Variants in GLRA2 observed in about 807,000 individuals in gnomAD.
GLRA2 encodes the protein glycine receptor subunit alpha-2.
Under a neutral mutation model 31.6 loss-of-function variants are expected in GLRA2, and 11 were observed. The ratio of observed to expected loss-of-function variants is 0.35; its 90% CI spans 0.22 to 0.58. GLRA2 has a LOEUF of 0.58. GLRA2 is among the 20% of genes least tolerant of loss of function. The probability of loss-of-function intolerance (pLI) is 0.84; values close to 1 mark genes in which losing one functional copy is unlikely to be tolerated. For missense variants in GLRA2, 212 were observed against 351.8 expected (o/e 0.60, Z 3.18); for synonymous variants, 132 against 134.0 (o/e 0.99, Z 0.10).
the GLRA2 span, among the ~76,000 whole-genome samples, chrX:14,451,644 CAA>C: frequency 3.9e-3 from 156 of 40,014 alleles, 1 homozygote; most frequent in African/African-American, 9.6e-3. Flanking sequence ...ACTCTGTCTC[CAA>C]AAAAAAAAAA....
chrX:14,599,667 A>G (rs1467836843), intron 4 of GLRA2, among the ~76,000 whole-genome samples: 1 of 111,920 alleles, frequency 8.9e-6, no homozygotes, highest in Non-Finnish European at 1.9e-5. Context: ...GCATAATGAA[A>G]TATTCTAGGG....
chrX:14,478,976 A>G, the GLRA2 span, among the ~76,000 whole-genome samples: 13 of 111,815 alleles, frequency 1.2e-4, no homozygotes, highest in East Asian at 5.6e-4. Flanking sequence ...AGGTGATGTT[A>G]ACTTAGGAGT....
chrX:14,719,216 T>C (rs1353805580), intron 8 of GLRA2, among the ~76,000 whole-genome samples: 1 of 111,934 alleles, frequency 8.9e-6, no homozygotes, highest in South Asian at 3.7e-4. Context: ...TATAAAAGAC[T>C]TCAATGGGTG....
At chrX:14,715,062 C>T (rs2091765903) in intron 8 of GLRA2, among the ~76,000 whole-genome samples, 1 of 112,239 alleles carries the variant, frequency 8.9e-6, no homozygotes, top group African/African-American at 3.2e-5. Flanking sequence ...ATTGTAAACA[C>T]ATACATAAAT....
chrX:14,567,423 A>G (rs146429854), intron 2 of GLRA2, among the ~76,000 whole-genome samples: 2,707 of 112,260 alleles, frequency 0.024, 81 homozygotes, highest in African/African-American at 0.082. Flanking sequence ...AAAAACACTC[A>G]GAAAACTAGA....
At chrX:14,527,392 G>A (rs1011804165), upstream of GLRA2, among the ~76,000 whole-genome samples, 2 of 111,632 alleles carry the variant, frequency 1.8e-5, no homozygotes, top group African/African-American at 3.3e-5. Flanking sequence ...TGAGGTGGGC[G>A]AATCACAAGG....
intron 2 of GLRA2, among the ~76,000 whole-genome samples, chrX:14,543,683 A>G (rs1255037092): frequency 8.9e-6 from 1 of 112,005 alleles, no homozygotes; most frequent in Non-Finnish European, 1.9e-5. Flanking sequence ...ACTGTAGTCC[A>G]TGAAATGTTC....
intron 2 of GLRA2, among the ~76,000 whole-genome samples, chrX:14,550,668 G>A (rs1393228033): frequency 4.5e-5 from 5 of 111,090 alleles, no homozygotes; most frequent in African/African-American, 1.6e-4. Flanking sequence ...AGACCACAAA[G>A]ATTCAAAAAG....
the GLRA2 span, among the ~76,000 whole-genome samples, chrX:14,465,775 A>T: frequency 8.9e-6 from 1 of 111,788 alleles, no homozygotes; most frequent in East Asian, 2.8e-4. Context: ...TTTTTGCCCC[A>T]AATTCTTTAT....
At chrX:14,562,105 C>T (rs1174272966) in intron 2 of GLRA2, among the ~76,000 whole-genome samples, 1 of 111,886 alleles carries the variant, frequency 8.9e-6, no homozygotes, top group East Asian at 2.8e-4. Flanking sequence ...TTTTCAGGAA[C>T]ACCATAGTTC....
At chrX:14,505,394 C>T in the GLRA2 span, among the ~76,000 whole-genome samples, 1 of 111,727 alleles carries the variant, frequency 9.0e-6, no homozygotes, top group East Asian at 2.8e-4. Flanking sequence ...TACCCAAAGA[C>T]AGCCTCTCAG....
At chrX:14,711,803 C>T (rs1366205154) in intron 8 of GLRA2, among the ~76,000 whole-genome samples, 1 of 112,443 alleles carries the variant, frequency 8.9e-6, no homozygotes, top group Non-Finnish European at 1.9e-5. Context: ...CCAGAGTTTT[C>T]GCTCCAGAGC....
chrX:14,567,823 C>T (rs994288019), intron 2 of GLRA2, among the ~76,000 whole-genome samples: 19 of 111,972 alleles, frequency 1.7e-4, no homozygotes, highest in Non-Finnish European at 3.0e-4. Flanking sequence ...TTTCTGTACA[C>T]CTGCAATAAA....
At chrX:14,491,812 G>A in the GLRA2 span, among the ~76,000 whole-genome samples, 7 of 111,805 alleles carry the variant, frequency 6.3e-5, 1 homozygote, top group South Asian at 2.6e-3. Flanking sequence ...GAGGATGGAT[G>A]TCAAGACGTG....
In GLRA2 at chrX:14,603,081, A is replaced by ATTT. The variant is rs58676051; in HGVS notation, c.495-1222_495-1220dup. Among the ~76,000 whole-genome samples, 25 of 96,277 alleles carry ATTT rather than the reference A, an allele frequency of 2.6e-4. No individual in the cohort carries two copies. The South Asian group carries it at 0.011, about 41-fold the overall frequency. 83.6% of individuals were successfully genotyped at this position (96,277 alleles called of 115,157 possible). ...TTTCACCACATCCATGCCAACATCT[A>ATTT]TTTTTTTTTTTTTTGACTTTTTTGA... On this transcript the variant is annotated intron_variant, in intron 4 of 8. Coordinates refer to ENST00000218075, the MANE Select transcript of GLRA2 (RefSeq NM_002063.4).
chrX:14,643,334 C>T (rs180720208), intron 7 of GLRA2, among the ~76,000 whole-genome samples: 7 of 111,684 alleles, frequency 6.3e-5, no homozygotes, highest in Non-Finnish European at 9.4e-5. Flanking sequence ...CTTTACACCA[C>T]TAAATTTGTG....
intron 7 of GLRA2, among the ~76,000 whole-genome samples, chrX:14,616,211 T>C (rs2090452714): frequency 8.9e-6 from 1 of 111,922 alleles, no homozygotes; most frequent in Non-Finnish European, 1.9e-5. Flanking sequence ...TTACTCCATG[T>C]TTGTTATCAC....
chrX:14,458,650 G>C, the GLRA2 span, among the ~76,000 whole-genome samples: 1 of 112,381 alleles, frequency 8.9e-6, no homozygotes, highest in Admixed American at 9.4e-5. Context: ...TCATCTGTCT[G>C]TGGGCTGCAT....
intron 7 of GLRA2, among the ~76,000 whole-genome samples, chrX:14,642,382 A>C (rs2090783558): frequency 8.9e-6 from 1 of 111,914 alleles, no homozygotes; most frequent in South Asian, 3.7e-4. Flanking sequence ...TTTTCTGTGC[A>C]TTTCAAGGCA....
Sources: gnomAD v4.1 joint callset for allele counts (sites outside exome capture counted in the v4.1 genomes callset) on GRCh38, gnomAD v4.1.1 for gene constraint, MANE v1.5 for transcripts, NCBI Gene and HGNC (gene_info 2026-07-23, HGNC 2026-07-21) for gene names.